The following ADGRG5 variants were observed in gnomAD, a reference collection of about 807,000 sequenced individuals.
ADGRG5 encodes the protein G protein-coupled receptor 114.
A neutral mutation model predicts 53.2 loss-of-function variants in ADGRG5; 37 were observed. The ratio of observed to expected loss-of-function variants is 0.70; its 90% CI spans 0.53 to 0.91. The LOEUF is 0.91. Among genes scored for constraint, ADGRG5 ranks in the 40% least tolerant of loss-of-function variants. The pLI is 0.00. For synonymous variants in ADGRG5, 277 were observed against 290.4 expected, an observed-to-expected ratio of 0.95 and a Z score of 0.47; for missense variants, 614 against 675.8, an observed-to-expected ratio of 0.91 and a Z score of 1.01.
In ADGRG5 at chr16:57,575,761, G is replaced by GCAGCAAACTTTGTCCTGGTACCTGGGC; in HGVS notation, c.*225_*251dup. On this transcript the variant is annotated 3_prime_UTR_variant, in exon 12 of 12. Coordinates refer to ENST00000349457, the MANE Select transcript of ADGRG5 (RefSeq NM_001304376.3). ...CGGGGCAGATCCAACCTTACCTGGGGCAGCAAACTTTGTCCTGGTACCTGG... is the reference window on the plus strand; with the variant it reads ...CGGGGCAGATCCAACCTTACCTGGGGCAGCAAACTTTGTCCTGGTACCTGGGCCAGCAAACTTTGTCCTGGTACCTGG... 1.9e-6 allele frequency: 1 copy of GCAGCAAACTTTGTCCTGGTACCTGGGC among 528,324 alleles called. No individual in the cohort carries two copies. Among genetic ancestry groups the GCAGCAAACTTTGTCCTGGTACCTGGGC allele is most frequent in the Non-Finnish European group, 3.4e-6 (1 of 292,136 alleles). The allele number at this position is 528,324 out of a possible 1,614,324, so 32.7% of individuals were successfully genotyped here.
intron 1 of ADGRG5, among the ~76,000 whole-genome samples, chr16:57,549,092 A>G (rs2032690097): frequency 6.6e-6 from 1 of 152,198 alleles, no homozygotes; most frequent in Non-Finnish European, 1.5e-5. Flanking sequence ...CATAGCTTTC[A>G]ACTTTTCTTT....
intron 1 of ADGRG5, among the ~76,000 whole-genome samples, chr16:57,555,012 T>C (rs2146775622): frequency 6.6e-6 from 1 of 152,306 alleles, no homozygotes; most frequent in South Asian, 2.1e-4. Flanking sequence ...CTAGTTTAAG[T>C]TCCTGGTGGT....
intron 9 of ADGRG5, 76 bp downstream of exon 9, chr16:57,568,200 C>G: frequency 6.9e-7 from 1 of 1,457,692 alleles, no homozygotes; most frequent in Non-Finnish European, 9.5e-7. Context: ...TCCTTTCTTT[C>G]CCCTCCTCCT....
intron 10 of ADGRG5, among the ~76,000 whole-genome samples, chr16:57,570,773 C>T (rs539568326): frequency 2.0e-5 from 3 of 152,222 alleles, no homozygotes; most frequent in Non-Finnish European, 4.4e-5. Context: ...AGCGTCTGCT[C>T]GCCAACCTGC....
At chr16:57,529,372 G>T in the ADGRG5 span, 1 of 647,822 alleles carries the variant, frequency 1.5e-6, no homozygotes, top group Non-Finnish European at 2.0e-6. This position sits in a 1 kb window ranked among gnomAD's most constrained non-coding sequence, Gnocchi z 4.1. Context: ...CGTCAGTCTC[G>T]AAGATCAGCC....
At chr16:57,556,779 A>T (rs1296568854) in intron 1 of ADGRG5, among the ~76,000 whole-genome samples, 1 of 152,136 alleles carries the variant, frequency 6.6e-6, no homozygotes, top group Non-Finnish European at 1.5e-5. Flanking sequence ...GTTTAAGTCC[A>T]AATTTCCAAC....
chr16:57,541,344 G>A (rs1463093924), upstream of ADGRG5, among the ~76,000 whole-genome samples: 3 of 152,140 alleles, frequency 2.0e-5, no homozygotes, highest in African/African-American at 4.8e-5. Flanking sequence ...GGGTGACCTC[G>A]GAAAGGAAGA....
intron 1 of ADGRG5, among the ~76,000 whole-genome samples, chr16:57,559,200 T>G (rs1446198922): frequency 6.6e-6 from 1 of 152,218 alleles, no homozygotes; most frequent in African/African-American, 2.4e-5. Flanking sequence ...GAGGGTCTTC[T>G]ACTCCTGCAG....
chr16:57,537,786 C>G (rs2032426189), upstream of ADGRG5, among the ~76,000 whole-genome samples: 2 of 152,180 alleles, frequency 1.3e-5, no homozygotes, highest in South Asian at 2.1e-4. Context: ...CTGGCAGTTT[C>G]ACTTGTCGAT....
At chr16:57,561,997 C>A in intron 1 of ADGRG5, 59 bp from the exon 2 acceptor site, 3 of 905,734 alleles carry the variant, frequency 3.3e-6, no homozygotes, top group Non-Finnish European at 3.4e-6. Flanking sequence ...ACATGCCAGA[C>A]ACCTAGAAGT....
intron 10 of ADGRG5, among the ~76,000 whole-genome samples, chr16:57,572,619 G>A (rs71387176): frequency 6.6e-6 from 1 of 152,228 alleles, no homozygotes; most frequent in Non-Finnish European, 1.5e-5. Context: ...TTGAACCCGG[G>A]AGGTGGAGAT....
intron 1 of ADGRG5, among the ~76,000 whole-genome samples, chr16:57,549,682 C>T (rs190548111): frequency 4.6e-5 from 7 of 152,150 alleles, no homozygotes; most frequent in Non-Finnish European, 1.0e-4. Flanking sequence ...ACATTGCTGT[C>T]CCCTGAAAAG....
chr16:57,564,491 C>T (rs527270626), intron 5 of ADGRG5, among the ~76,000 whole-genome samples: 70 of 152,016 alleles, frequency 4.6e-4, no homozygotes, highest in Non-Finnish European at 7.5e-4. Context: ...TAGTAGAGAC[C>T]GGGTTTAACC....
At chr16:57,548,775 G>A (rs1306619096) in intron 1 of ADGRG5, among the ~76,000 whole-genome samples, 1 of 137,728 alleles carries the variant, frequency 7.3e-6, no homozygotes, top group African/African-American at 2.7e-5. Flanking sequence ...TCCAAGTTGT[G>A]TGTGTCAGTA....
upstream of ADGRG5, among the ~76,000 whole-genome samples, chr16:57,539,285 GAC>G (rs2032455214): frequency 6.6e-6 from 1 of 152,276 alleles, no homozygotes; most frequent in Non-Finnish European, 1.5e-5. Context: ...AAATTCAAGA[GAC>G]AGAAAATAGA....
chr16:57,568,119 G>C lies in ADGRG5; in HGVS notation c.1085G>C (p.Gly362Ala). Residue 362 changes from glycine to alanine, a missense_variant, in exon 9 of 12, where the codon GGC becomes GCC. Transcript: ENST00000349457. ...TATGTGTTCAAGCTTGGTGTGCTAG[G>C]CTGGGGTAAGCACATCATCTCTCCT... ...RRYVFKLGVL[G>A]WGAPALLVLL... 1 of 1,613,720 alleles carries C rather than the reference G, an allele frequency of 6.2e-7. No individual in the cohort carries two copies. Among genetic ancestry groups the C allele is most frequent in the Non-Finnish European group, 8.5e-7 (1 of 1,179,774 alleles).
upstream of ADGRG5, among the ~76,000 whole-genome samples, chr16:57,538,042 G>A (rs1302482111): frequency 2.6e-5 from 4 of 152,162 alleles, no homozygotes; most frequent in African/African-American, 9.7e-5. Context: ...TGGAAATGGG[G>A]CTGGGGAAGG....
At chr16:57,532,545 T>C in the ADGRG5 span, among the ~76,000 whole-genome samples, 1 of 152,064 alleles carries the variant, frequency 6.6e-6, no homozygotes, top group Admixed American at 6.5e-5. Flanking sequence ...GACACACATA[T>C]GCTCAGATGG....
At chr16:57,568,218 A>G in intron 9 of ADGRG5, 94 bp downstream of exon 9, 2 of 1,306,430 alleles carry the variant, frequency 1.5e-6, no homozygotes, top group Non-Finnish European at 2.2e-6. Context: ...CCTCATCGTC[A>G]TAGTGGCCAT....
Sources: gnomAD v4.1 joint callset for allele counts (sites outside exome capture counted in the v4.1 genomes callset) on GRCh38, gnomAD v4.1.1 for gene constraint, Gnocchi (gnomAD v3.1) non-coding constraint, MANE v1.5 for transcripts, NCBI Gene and HGNC (gene_info 2026-07-23, HGNC 2026-07-21) for gene names.